Variants in PALLD observed in about 807,000 individuals in gnomAD.
PALLD encodes palladin, cytoskeletal associated protein, also known as palladin.
PALLD carries 61 observed loss-of-function variants against 123.5 expected under a neutral mutation model. That is an observed-to-expected ratio of 0.49 (90% confidence interval 0.40 to 0.61). The LOEUF is 0.61. Ranked by LOEUF, PALLD falls within the 20% of genes least tolerant of loss-of-function variation. PALLD has a pLI of 0.00. For missense variants in PALLD, 1,273 were observed against 1,377.0 expected, an observed-to-expected ratio of 0.92 and a Z score of 1.20; for synonymous variants, 465 against 496.4, an observed-to-expected ratio of 0.94 and a Z score of 0.84.
intron 8 of PALLD, among the ~76,000 whole-genome samples, chr4:168,693,329 A>G (rs577051532): frequency 1.1e-3 from 175 of 152,240 alleles, no homozygotes; most frequent in African/African-American, 4.1e-3. Flanking sequence ...TGTTTCAGTT[A>G]GTTTGTTGCT....
rs1189683885 is a variant in PALLD at position 168,681,388 on chromosome 4, G to C, written c.1144G>C (p.Ala382Pro). The C allele has an allele frequency of 6.2e-7, 1 of 1,601,786 alleles. No homozygotes were observed. The highest frequency in any genetic ancestry group is 8.6e-7 in the Non-Finnish European group (1 of 1,169,188). Residue 382 changes from alanine (A) to proline (P), a missense_variant, in exon 4 of 22, where the codon GCT (alanine) becomes CCT (proline). Coordinates refer to ENST00000505667, the MANE Select transcript of PALLD (RefSeq NM_001166108.2). ...ESLAFKSRAGAMPQAQKKTTS... is the reference protein window; with the variant it reads ...ESLAFKSRAGPMPQAQKKTTS... ...TTTAGCTTTCAAATCAAGAGCTGGA[G>C]CTATGCCACAGTAAGTGCCTACAAT...
chr4:168,905,989 C>G (rs1582066974), intron 15 of PALLD, among the ~76,000 whole-genome samples: 1 of 151,966 alleles, frequency 6.6e-6, no homozygotes, highest in East Asian at 1.9e-4. Flanking sequence ...ATCCACCTGC[C>G]TCGGCCTCTT....
intron 2 of PALLD, among the ~76,000 whole-genome samples, chr4:168,634,507 T>A (rs1392482690): frequency 6.6e-6 from 1 of 152,246 alleles, no homozygotes; most frequent in East Asian, 1.9e-4. Flanking sequence ...TTGCAGTTTT[T>A]TTCCTGAATG....
intron 10 of PALLD, among the ~76,000 whole-genome samples, chr4:168,719,966 T>C (rs1161487304): frequency 6.6e-6 from 1 of 152,228 alleles, no homozygotes; most frequent in Admixed American, 6.5e-5. Flanking sequence ...ACATTTTCTT[T>C]ATCCAGTCTA....
At chr4:168,641,698 T>C (rs1776965193) in intron 2 of PALLD, among the ~76,000 whole-genome samples, 1 of 152,174 alleles carries the variant, frequency 6.6e-6, no homozygotes, top group Non-Finnish European at 1.5e-5. Context: ...CTAAGGCCTT[T>C]CCAGATGCCG....
intron 14 of PALLD, among the ~76,000 whole-genome samples, chr4:168,899,688 G>A (rs957580967): frequency 6.6e-6 from 1 of 152,110 alleles, no homozygotes; most frequent in African/African-American, 2.4e-5. Context: ...AGGCCGAGAT[G>A]GGTGGATCAC....
intron 10 of PALLD, among the ~76,000 whole-genome samples, chr4:168,793,563 C>G (rs1448347469): frequency 6.6e-6 from 1 of 152,028 alleles, no homozygotes; most frequent in Non-Finnish European, 1.5e-5. Flanking sequence ...AATCCTGGCT[C>G]TGCGACTCAC....
chr4:168,928,330 A>G lies in PALLD; in HGVS notation c.*2150A>G, dbSNP rs1762815541. On this transcript the variant is annotated 3_prime_UTR_variant, in exon 22 of 22. Transcript: ENST00000505667. ...GCCACCTTTATATTGTATTTATAAAAAAAAAAGTACTATCAATCAATCATA... is the reference window on the plus strand; with the variant it reads ...GCCACCTTTATATTGTATTTATAAAGAAAAAAGTACTATCAATCAATCATA... 1 of 177,776 alleles carries G rather than the reference A, an allele frequency of 5.6e-6. No homozygotes were observed. Among genetic ancestry groups the G allele is most frequent in the African/African-American group, 2.6e-5 (1 of 39,026 alleles). The allele number at this position is 177,776 out of a possible 1,614,324, so 11.0% of individuals were successfully genotyped here. A position where few individuals can be genotyped will look rare whatever the true frequency, so the allele number is the denominator to read the frequency against.
chr4:168,645,125 A>G (rs565179670), intron 2 of PALLD, among the ~76,000 whole-genome samples: 13 of 151,972 alleles, frequency 8.6e-5, no homozygotes, highest in African/African-American at 3.1e-4. Context: ...AAATAGGGAG[A>G]AAGATATTTT....
At chr4:168,729,994 T>G (rs908752214) in intron 10 of PALLD, among the ~76,000 whole-genome samples, 4 of 152,230 alleles carry the variant, frequency 2.6e-5, no homozygotes, top group African/African-American at 9.6e-5. Context: ...TCACCCCTAG[T>G]ACTTTGAAAT....
intron 10 of PALLD, among the ~76,000 whole-genome samples, chr4:168,864,774 A>G (rs1373398039): frequency 6.6e-6 from 1 of 152,204 alleles, no homozygotes; most frequent in Non-Finnish European, 1.5e-5. Flanking sequence ...TGTACACACT[A>G]TACTATAAAG....
intron 4 of PALLD, 107 bp downstream of exon 4, chr4:168,681,505 G>A (rs1367540284): frequency 1.6e-6 from 1 of 621,704 alleles, no homozygotes. Context: ...GTCAACTGAT[G>A]TTAATCAGAG....
intron 2 of PALLD, among the ~76,000 whole-genome samples, chr4:168,587,595 G>A (rs772142100): frequency 2.6e-5 from 4 of 152,010 alleles, no homozygotes; most frequent in African/African-American, 4.8e-5. Context: ...CAACTTTTCC[G>A]TTTTTTCTCA....
chr4:168,743,087 A>G (rs563566695), intron 10 of PALLD, among the ~76,000 whole-genome samples: 189 of 152,192 alleles, frequency 1.2e-3, no homozygotes, highest in Non-Finnish European at 2.3e-3. Context: ...CAGCAGTAGA[A>G]ATTTCTACTG....
chr4:168,801,004 A>T (rs1739246049), intron 10 of PALLD, among the ~76,000 whole-genome samples: 1 of 152,268 alleles, frequency 6.6e-6, no homozygotes, highest in Admixed American at 6.5e-5. Context: ...AAAAGCATAC[A>T]GACAAAAAGA....
chr4:168,740,684 CAAGAGTTT>C lies in PALLD; in HGVS notation c.1964+28765_1964+28772del, dbSNP rs1416747102. Among the ~76,000 whole-genome samples the C allele has an allele frequency of 1.1e-4, 16 of 152,172 alleles. No homozygotes were observed. The East Asian group carries it at 3.1e-3, about 29-fold the overall frequency. On this transcript the variant is annotated intron_variant, in intron 10 of 21. Transcript: ENST00000505667. ...TGGAAAACATTAATTTAAAAGAGTTCAAGAGTTTAAGCCAAAAGAGCCAGTCAGGTTAT... is the reference window on the plus strand; with the variant it reads ...TGGAAAACATTAATTTAAAAGAGTTCAAGCCAAAAGAGCCAGTCAGGTTAT...
chr4:168,785,058 C>CTTTTTTTTTTTTTTTTTTTTTTT lies in PALLD; in HGVS notation c.1964+73142_1964+73164dup, dbSNP rs746597278. On this transcript the variant is annotated intron_variant, in intron 10 of 21. Coordinates refer to ENST00000505667, the MANE Select transcript of PALLD (RefSeq NM_001166108.2). ...AGCCCCAGCTTTTTTCTCCCTTTTGCTTTTTTTTTTTTTTTTTTTTTTTTT... is the reference window on the plus strand; with the variant it reads ...AGCCCCAGCTTTTTTCTCCCTTTTGCTTTTTTTTTTTTTTTTTTTTTTTTTTTTTTTTTTTTTTTTTTTTTTTT... Among the ~76,000 whole-genome samples, 7 of 84,830 alleles carry CTTTTTTTTTTTTTTTTTTTTTTT rather than the reference C, an allele frequency of 8.3e-5. 1 individual carries two copies. The highest frequency in any genetic ancestry group is 2.5e-4 in the African/African-American group (5 of 19,938). 55.7% of individuals were successfully genotyped at this position (84,830 alleles called of 152,430 possible). A position where few individuals can be genotyped will look rare whatever the true frequency, so the allele number is the denominator to read the frequency against.
chr4:168,743,297 C>T (rs779322531), intron 10 of PALLD, among the ~76,000 whole-genome samples: 12 of 152,128 alleles, frequency 7.9e-5, no homozygotes, highest in Non-Finnish European at 1.5e-4. Context: ...GATTACACCA[C>T]GCGGCTATCA....
At position 168,631,807 on chromosome 4, in the gene PALLD, C is replaced by A. The variant is rs1047280965; in HGVS notation, c.909-36383C>A. 7.1e-6 allele frequency: 7 copies of A among 985,312 alleles called. No individual in the cohort carries two copies. In the African/African-American group the frequency reaches 1.2e-4, roughly 17 times the overall value. 61.0% of individuals were successfully genotyped at this position (985,312 alleles called of 1,614,324 possible). A position where few individuals can be genotyped will look rare whatever the true frequency, so the allele number is the denominator to read the frequency against. ...CTGCAAACGAGATCGCATTCAGAGC[C>A]CAGAAGTTGCAAGCTGGGAATAAGC... On this transcript the variant is annotated intron_variant, in intron 2 of 21. Coordinates refer to ENST00000505667, the MANE Select transcript of PALLD (RefSeq NM_001166108.2).
Sources: gnomAD v4.1 joint callset for allele counts (sites outside exome capture counted in the v4.1 genomes callset) on GRCh38, gnomAD v4.1.1 for gene constraint, MANE v1.5 for transcripts, NCBI Gene and HGNC (gene_info 2026-07-23, HGNC 2026-07-21) for gene names.